Variants in SREBF1 observed in about 807,000 individuals in gnomAD.
SREBF1 encodes the protein sterol regulatory element-binding protein 1.
Under a neutral mutation model 100.1 loss-of-function variants are expected in SREBF1, and 45 were observed. That is an observed-to-expected ratio of 0.45 (90% confidence interval 0.35 to 0.58). The LOEUF is 0.58. Ranked by LOEUF, SREBF1 falls within the 20% of genes least tolerant of loss-of-function variation. SREBF1 has a pLI of 0.00. For missense variants in SREBF1, 1,324 were observed against 1,539.4 expected (o/e 0.86, Z 2.34); for synonymous variants, 657 against 681.8 (o/e 0.96, Z 0.57).
chr17:17,811,704 C>A lies in SREBF1; in HGVS notation c.*918G>T, dbSNP rs1256693099. 4.4e-6 allele frequency: 2 copies of A among 454,954 alleles called. No individual in the cohort carries two copies. Among genetic ancestry groups the A allele is most frequent in the Non-Finnish European group, 8.8e-6 (2 of 226,284 alleles). 28.2% of individuals were successfully genotyped at this position (454,954 alleles called of 1,614,324 possible). On this transcript the variant is annotated 3_prime_UTR_variant, in exon 19 of 19. Transcript: ENST00000261646. ...GGGGGAGGTGAGACGTGCCAGACTT[C>A]TTGCAGGGAGACCCAAGCTGTAGCT...
At chr17:17,814,969 C>A in intron 13 of SREBF1, 25 bp from the exon 14 acceptor site, 1 of 1,549,354 alleles carries the variant, frequency 6.5e-7, no homozygotes, top group South Asian at 1.2e-5. Context: ...AGCTGGCTGT[C>A]GGAACAGATG....
chr17:17,814,479 T>C, intron 15 of SREBF1, 69 bp from the exon 16 acceptor site: 2 of 1,542,532 alleles, frequency 1.3e-6, no homozygotes, highest in Non-Finnish European at 1.7e-6. Flanking sequence ...GCCCCCCACT[T>C]CCCTGGCTCG....
rs2032960443 is a variant in SREBF1 at position 17,812,328 on chromosome 17, G to A, written c.*294C>T. 1.8e-6 allele frequency: 1 copy of A among 543,790 alleles called. No individual in the cohort carries two copies. Among genetic ancestry groups the A allele is most frequent in the Admixed American group, 3.4e-5 (1 of 29,572 alleles). 33.7% of individuals were successfully genotyped at this position (543,790 alleles called of 1,614,324 possible). On this transcript the variant is annotated 3_prime_UTR_variant, in exon 19 of 19. Coordinates refer to ENST00000261646, the MANE Select transcript of SREBF1 (RefSeq NM_004176.5). ...CCCCTCTCTTCCCTGTACACAGGAG[G>A]AAAAAAGCCACTAAGGTGCCTGCAG...
chr17:17,811,722 C>G lies in SREBF1; in HGVS notation c.*900G>C, dbSNP rs1249138641. 1 of 454,930 alleles carries G rather than the reference C, an allele frequency of 2.2e-6. No individual in the cohort carries two copies. The allele number at this position is 454,930 out of a possible 1,614,324, so 28.2% of individuals were successfully genotyped here. A position where few individuals can be genotyped will look rare whatever the true frequency, so the allele number is the denominator to read the frequency against. On this transcript the variant is annotated 3_prime_UTR_variant, in exon 19 of 19. Transcript: ENST00000261646. ...CAGACTTCTTGCAGGGAGACCCAAG[C>G]TGTAGCTCCTGTCACACAACAGGTC...
At chr17:17,823,444 C>T in intron 1 of SREBF1, 1 of 1,184,516 alleles carries the variant, frequency 8.4e-7, no homozygotes, top group Non-Finnish European at 1.3e-6. Flanking sequence ...GCCCGCATGC[C>T]CGCCCACCCC....
chr17:17,814,208 C>T, intron 16 of SREBF1, 37 bp downstream of exon 16: 1 of 1,575,560 alleles, frequency 6.3e-7, no homozygotes, highest in Non-Finnish European at 8.6e-7. Context: ...AAAGCTGAAT[C>T]CCCCAGCCCT....
In SREBF1 at chr17:17,811,694, T is replaced by TA. The variant is rs2032866734; in HGVS notation, c.*927_*928insT. On this transcript the variant is annotated 3_prime_UTR_variant, in exon 19 of 19. Transcript: ENST00000261646. The stretch of plus-strand genomic sequence containing the variant: ...GGGCCGGGATGGGGGAGGTGAGACG[T>TA]GCCAGACTTCTTGCAGGGAGACCCA... 2.2e-6 allele frequency: 1 copy of TA among 454,502 alleles called. No individual in the cohort carries two copies. Among genetic ancestry groups the TA allele is most frequent in the Non-Finnish European group, 4.4e-6 (1 of 226,158 alleles). The allele number at this position is 454,502 out of a possible 1,614,324, so 28.2% of individuals were successfully genotyped here. A position where few individuals can be genotyped will look rare whatever the true frequency, so the allele number is the denominator to read the frequency against.
At chr17:17,830,269 T>C (rs991866327) in intron 1 of SREBF1, among the ~76,000 whole-genome samples, 3 of 152,166 alleles carry the variant, frequency 2.0e-5, no homozygotes, top group African/African-American at 4.8e-5. Context: ...TCTCAAGCAA[T>C]CCTCCAACCT....
intron 11 of SREBF1, 22 bp downstream of exon 11, chr17:17,816,185 C>CCCCACCCCCCCCACTCCCG: frequency 6.9e-5 from 2 of 28,782 alleles, no homozygotes; most frequent in African/African-American, 9.3e-4. Flanking sequence ...GGGATAAGCC[C>CCCCACCCCCCCCACTCCCG]CCAGCCCCCC....
At position 17,817,740 on chromosome 17, in the gene SREBF1, C is replaced by A. The variant is rs761675701; in HGVS notation, c.1360G>T (p.Gly454Cys). ...GGGCTGTCAGGCTCCGAGTCACTGCCACTGCCACCGCTGCCACTGCCCCTG... is the reference window on the plus strand; with the variant it reads ...GGGCTGTCAGGCTCCGAGTCACTGCAACTGCCACCGCTGCCACTGCCCCTG... ...GSRGSGSGGS[G>C]SDSEPDSPVF... Residue 454 changes from glycine (G) to cysteine (C), a missense_variant, in exon 7 of 19, where the codon GGC becomes TGC. Coordinates refer to ENST00000261646, the MANE Select transcript of SREBF1 (RefSeq NM_004176.5). The surrounding 1 kb of genome is among the most constrained non-coding windows in gnomAD (Gnocchi z 6.6). 1.2e-6 allele frequency: 2 copies of A among 1,613,352 alleles called. No homozygotes were observed. The highest frequency in any genetic ancestry group is 2.7e-5 in the African/African-American group (2 of 74,858).
At chr17:17,831,947 T>C (rs906262260) in intron 1 of SREBF1, among the ~76,000 whole-genome samples, 3 of 152,184 alleles carry the variant, frequency 2.0e-5, no homozygotes, top group African/African-American at 7.2e-5. Flanking sequence ...CCAGGGCTGG[T>C]TCCCAGTCTA....
Position 17,816,454 on chromosome 17 carries a change from T to C in SREBF1, c.2047+3A>G. On this transcript the variant is annotated splice_donor_region_variant and intron_variant, in intron 10 of 18. Transcript: ENST00000261646. The stretch of plus-strand genomic sequence containing the variant: ...TCGGAGCCCGCCCCACGCTCAGTCC[T>C]ACCCATGGTGTGCAGCTGGTGCAGC... The C allele has an allele frequency of 6.2e-7, 1 of 1,606,262 alleles. No homozygotes were observed. Among genetic ancestry groups the C allele is most frequent in the Non-Finnish European group, 8.5e-7 (1 of 1,177,230 alleles).
chr17:17,814,181 G>A, intron 16 of SREBF1, 64 bp downstream of exon 16: 1 of 1,531,550 alleles, frequency 6.5e-7, no homozygotes, highest in Non-Finnish European at 8.8e-7. Context: ...GGGCTGGGGA[G>A]AGGAACCAGG....
intron 1 of SREBF1, among the ~76,000 whole-genome samples, chr17:17,831,204 G>A (rs1377562315): frequency 7.2e-6 from 1 of 139,784 alleles, no homozygotes; most frequent in Non-Finnish European, 1.6e-5. Flanking sequence ...TCTAAGGAGT[G>A]CCAGTGCTTG....
chr17:17,819,969 C>CCTT, intron 2 of SREBF1, 121 bp downstream of exon 2: 1 of 1,238,160 alleles, frequency 8.1e-7, no homozygotes. Context: ...CTCAAGCAGC[C>CCTT]GAGTGGAGCC....
intron 1 of SREBF1, among the ~76,000 whole-genome samples, chr17:17,836,085 T>G (rs948321210): frequency 6.6e-6 from 1 of 152,266 alleles, no homozygotes; most frequent in African/African-American, 2.4e-5. Flanking sequence ...AATACCCGTT[T>G]GGTTTCCCGG....
chr17:17,814,882 G>GCCCCCGCAGCAT lies in SREBF1; in HGVS notation c.2543_2554dup (p.Asp848_Gly851dup). 3 of 1,586,718 alleles carry GCCCCCGCAGCAT rather than the reference G, an allele frequency of 1.9e-6. No individual in the cohort carries two copies. Among genetic ancestry groups the GCCCCCGCAGCAT allele is most frequent in the Non-Finnish European group, 2.6e-6 (3 of 1,167,382 alleles). On this transcript the variant is annotated inframe_insertion, in exon 14 of 19. Coordinates refer to ENST00000261646, the MANE Select transcript of SREBF1 (RefSeq NM_004176.5). ...ACTGATGGAGAAGCTGTAGGCAGGA[G>GCCCCCGCAGCAT]CCCCCGCAGCATCAGAACAGCTGTT...
Position 17,812,269 on chromosome 17 carries a change from G to T in SREBF1, c.*353C>A. On this transcript the variant is annotated 3_prime_UTR_variant, in exon 19 of 19. Coordinates refer to ENST00000261646, the MANE Select transcript of SREBF1 (RefSeq NM_004176.5). ...AGAGCCCTGCTTGCAGTCCGGGAAA[G>T]CCAAGTTGGCTTCCGTCAGCACAGG... 2.3e-6 allele frequency: 1 copy of T among 426,308 alleles called. No homozygotes were observed. The highest frequency in any genetic ancestry group is 4.3e-6 in the Non-Finnish European group (1 of 234,578). The allele number at this position is 426,308 out of a possible 1,614,324, so 26.4% of individuals were successfully genotyped here.
chr17:17,816,189 G>GCCCCCCAACCCCCCCACCCCCGCCA lies in SREBF1; in HGVS notation c.2214+17_2214+18insTGGCGGGGGTGGGGGGGTTGGGGGG. Reference sequence around the variant, plus strand: ...AGAGAGCTGCAGGGATAAGCCCCCAGCCCCCCAACCCACTCACTGTCAGAA... The same window carrying GCCCCCCAACCCCCCCACCCCCGCCA: ...AGAGAGCTGCAGGGATAAGCCCCCAGCCCCCCAACCCCCCCACCCCCGCCACCCCCCAACCCACTCACTGTCAGAA... On this transcript the variant is annotated intron_variant, in intron 11 of 18. Transcript: ENST00000261646. The GCCCCCCAACCCCCCCACCCCCGCCA allele has an allele frequency of 1.4e-6, 1 of 709,202 alleles. No individual in the cohort carries two copies. The highest frequency in any genetic ancestry group is 2.0e-6 in the Non-Finnish European group (1 of 509,694). 43.9% of individuals were successfully genotyped at this position (709,202 alleles called of 1,614,324 possible). A position where few individuals can be genotyped will look rare whatever the true frequency, so the allele number is the denominator to read the frequency against.
Sources: allele counts gnomAD v4.1 joint callset (sites outside exome capture counted in the v4.1 genomes callset), GRCh38; gene constraint gnomAD v4.1.1; non-coding constraint Gnocchi (gnomAD v3.1); transcripts MANE v1.5; gene names NCBI Gene and HGNC (gene_info 2026-07-23, HGNC 2026-07-21).